The following KIF21A variants were observed in gnomAD, a reference collection of about 807,000 sequenced individuals.
KIF21A encodes the protein kinesin-like protein KIF21A.
A neutral mutation model predicts 202.9 loss-of-function variants in KIF21A; 114 were observed. The observed-to-expected ratio is 0.56, with a 90% confidence interval of 0.48 to 0.66. The LOEUF is 0.66. Among genes scored for constraint, KIF21A ranks in the 30% least tolerant of loss-of-function variants. The probability of loss-of-function intolerance (pLI) is 0.00; values close to 1 mark genes in which losing one functional copy is unlikely to be tolerated. For missense variants in KIF21A, 1,677 were observed against 1,994.9 expected (o/e 0.84, Z 3.04); for synonymous variants, 667 against 670.8 (o/e 0.99, Z 0.09).
Position 39,332,988 on chromosome 12 carries a change from G to A in KIF21A, c.2607C>T (p.Val869=), listed in dbSNP as rs776185614. The A allele has an allele frequency of 1.8e-5, 29 of 1,614,018 alleles. No individual in the cohort carries two copies. The highest frequency in any genetic ancestry group is 2.4e-5 in the Non-Finnish European group (28 of 1,179,984). Residue 869 remains valine (V), a synonymous_variant, in exon 19 of 38, where the codon GTC becomes GTT. Transcript: ENST00000361418. ...AQDTGSSAAA[V]ETDASRTGAQ... is the part of the protein sequence containing the mutation. ...CTCCTGTCCTTGATGCATCTGTTTC[G>A]ACAGCAGCTGCACTGGAACCTGTGT...
chr12:39,329,544 A>AT (rs1437230607), intron 24 of KIF21A, among the ~76,000 whole-genome samples: 3 of 152,154 alleles, frequency 2.0e-5, no homozygotes, highest in Non-Finnish European at 2.9e-5. Flanking sequence ...TTAAAGTACA[A>AT]TAAAAAAAAG....
At chr12:39,359,955 T>C (rs1172644918) in intron 7 of KIF21A, among the ~76,000 whole-genome samples, 1 of 152,152 alleles carries the variant, frequency 6.6e-6, no homozygotes, top group Non-Finnish European at 1.5e-5. Context: ...GAGTCACAAA[T>C]GGGGCAAGCT....
At chr12:39,393,840 G>T (rs1350145676) in intron 1 of KIF21A, among the ~76,000 whole-genome samples, 1 of 152,168 alleles carries the variant, frequency 6.6e-6, no homozygotes, top group Non-Finnish European at 1.5e-5. Context: ...AATCACAACT[G>T]GGTTTTCATG....
At chr12:39,340,784 A>G in intron 15 of KIF21A, 122 bp downstream of exon 15, 1 of 735,938 alleles carries the variant, frequency 1.4e-6, no homozygotes, top group Non-Finnish European at 2.2e-6. Flanking sequence ...GCAAAAACAA[A>G]ACAAATAAAT....
At chr12:39,349,261 G>A (rs890622168) in intron 11 of KIF21A, among the ~76,000 whole-genome samples, 7 of 151,910 alleles carry the variant, frequency 4.6e-5, no homozygotes, top group African/African-American at 1.2e-4. Flanking sequence ...TTATAAAATG[G>A]GCAGAAATCA....
At chr12:39,329,162 T>C (rs1013334759) in intron 24 of KIF21A, among the ~76,000 whole-genome samples, 1 of 152,194 alleles carries the variant, frequency 6.6e-6, no homozygotes, top group African/African-American at 2.4e-5. Flanking sequence ...TCTCATGCTT[T>C]TTATTTAGCT....
intron 36 of KIF21A, 58 bp downstream of exon 36, chr12:39,302,907 C>A: frequency 7.1e-7 from 1 of 1,400,364 alleles, no homozygotes. Flanking sequence ...AGTTCTTCTA[C>A]AGGCTACAGG....
chr12:39,297,197 G>A (rs1350040375), intron 37 of KIF21A, among the ~76,000 whole-genome samples: 4 of 152,152 alleles, frequency 2.6e-5, no homozygotes, highest in Non-Finnish European at 5.9e-5. Flanking sequence ...AGAATGAGCA[G>A]GTTTCTTGAA....
At chr12:39,379,202 C>A (rs796935012) in intron 1 of KIF21A, among the ~76,000 whole-genome samples, 1 of 151,804 alleles carries the variant, frequency 6.6e-6, no homozygotes, top group Admixed American at 6.6e-5. Context: ...TAGTGGTGGG[C>A]GCCTGTAGTC....
intron 23 of KIF21A, among the ~76,000 whole-genome samples, 183 bp from the exon 24 acceptor site, chr12:39,330,445 G>A (rs528014451): frequency 5.4e-4 from 82 of 152,242 alleles, no homozygotes; most frequent in African/African-American, 1.8e-3. Context: ...ATGAAACTTG[G>A]TTACTATTTT....
intron 1 of KIF21A, among the ~76,000 whole-genome samples, chr12:39,426,957 T>C (rs1335499445): frequency 6.6e-6 from 1 of 152,066 alleles, no homozygotes; most frequent in Non-Finnish European, 1.5e-5. Flanking sequence ...AATGTGATTA[T>C]AGTGGCTGGA....
At chr12:39,356,977 A>G (rs1948823768) in intron 9 of KIF21A, 82 bp from the exon 10 acceptor site, 2 of 759,408 alleles carry the variant, frequency 2.6e-6, no homozygotes, top group Admixed American at 4.8e-5. Flanking sequence ...TCGGGAAACA[A>G]AACAATAATT....
rs1555172725 is a variant in KIF21A at position 39,355,707 on chromosome 12, T to TTATACATATATATATATATA, written c.1469+1124_1469+1125insTATATATATATATATGTATA. On this transcript the variant is annotated intron_variant, in intron 10 of 37. Transcript: ENST00000361418. ...TACCAAAAACATGAAGCATGAACAATTATATATATATATATATATATATAT... is the reference window on the plus strand; with the variant it reads ...TACCAAAAACATGAAGCATGAACAATTATACATATATATATATATATATATATATATATATATATATATAT... Among the ~76,000 whole-genome samples the TTATACATATATATATATATA allele has an allele frequency of 2.6e-4, 26 of 101,230 alleles. 1 individual carries two copies. Among genetic ancestry groups the TTATACATATATATATATATA allele is most frequent in the African/African-American group, 1.2e-3 (25 of 20,630 alleles). 66.4% of individuals were successfully genotyped at this position (101,230 alleles called of 152,430 possible). A position where few individuals can be genotyped will look rare whatever the true frequency, so the allele number is the denominator to read the frequency against.
intron 1 of KIF21A, among the ~76,000 whole-genome samples, chr12:39,398,246 T>C (rs142057093): frequency 6.6e-6 from 1 of 152,326 alleles, no homozygotes; most frequent in East Asian, 1.9e-4. Flanking sequence ...CCATCTTTCG[T>C]ACTGAATGAT....
chr12:39,375,515 G>A (rs1249783461), intron 1 of KIF21A, among the ~76,000 whole-genome samples: 1 of 152,132 alleles, frequency 6.6e-6, no homozygotes, highest in Admixed American at 6.6e-5. Context: ...CTTCTGCTTA[G>A]TATAAAAGTG....
Position 39,442,441 on chromosome 12 carries a change from C to G in KIF21A, c.44+486G>C, listed in dbSNP as rs1160313854. ...GGCGCGCGGCGGGCCCTGCGGTCGC[C>G]GGCGCTGATAGTCAGATGCTTTGTC... On this transcript the variant is annotated intron_variant, in intron 1 of 37. Transcript: ENST00000361418. This position sits in a 1 kb window ranked among gnomAD's most constrained non-coding sequence, Gnocchi z 5.0. 3.9e-5 allele frequency among the ~76,000 whole-genome samples: 6 copies of G among 152,144 alleles called. No individual in the cohort carries two copies. Among genetic ancestry groups the G allele is most frequent in the Admixed American group, 3.9e-4 (6 of 15,276 alleles).
At chr12:39,428,048 C>T (rs1487540971) in intron 1 of KIF21A, among the ~76,000 whole-genome samples, 3 of 152,312 alleles carry the variant, frequency 2.0e-5, no homozygotes, top group South Asian at 2.1e-4. Flanking sequence ...CTCTGCTGTG[C>T]AGTATGGGTA....
chr12:39,382,523 A>T (rs894454633), intron 1 of KIF21A, among the ~76,000 whole-genome samples: 1 of 152,176 alleles, frequency 6.6e-6, no homozygotes, highest in Non-Finnish European at 1.5e-5. Context: ...TTCTCCGGTC[A>T]ACATGAATTT....
At chr12:39,379,317 G>C (rs1219527594) in intron 1 of KIF21A, among the ~76,000 whole-genome samples, 1 of 141,154 alleles carries the variant, frequency 7.1e-6, no homozygotes, top group Admixed American at 7.0e-5. Context: ...AACAAAGCAA[G>C]ACTCTGTCTA....
Sources: allele counts gnomAD v4.1 joint callset (sites outside exome capture counted in the v4.1 genomes callset), GRCh38; gene constraint gnomAD v4.1.1; non-coding constraint Gnocchi (gnomAD v3.1); transcripts MANE v1.5; gene names NCBI Gene and HGNC (gene_info 2026-07-23, HGNC 2026-07-21).